DLC1: variants seen among roughly 807,000 people sequenced by gnomAD.
The protein encoded by DLC1 is rho GTPase-activating protein 7.
Under a neutral mutation model 140.3 loss-of-function variants are expected in DLC1, and 54 were observed. The ratio of observed to expected loss-of-function variants is 0.38; its 90% CI spans 0.31 to 0.48. The LOEUF is 0.48. Among genes scored for constraint, DLC1 ranks in the 20% least tolerant of loss-of-function variants. DLC1 has a pLI of 0.96. For synonymous variants in DLC1, 986 were observed against 728.1 expected (o/e 1.35, Z -5.70); for missense variants, 2,536 against 1,907.0 (o/e 1.33, Z -6.14).
intron 1 of DLC1, among the ~76,000 whole-genome samples, chr8:13,503,430 C>T (rs561743553): frequency 7.8e-4 from 119 of 152,096 alleles, no homozygotes; most frequent in Middle Eastern, 3.4e-3. Context: ...TAAATGTTAC[C>T]GTATTTAACA....
At chr8:13,476,966 A>T (rs1800460424) in intron 2 of DLC1, among the ~76,000 whole-genome samples, 1 of 152,122 alleles carries the variant, frequency 6.6e-6, no homozygotes, top group African/African-American at 2.4e-5. Context: ...ATAGCAAGGG[A>T]AGTTGTGCTT....
chr8:13,223,664 G>A (rs1163193172), intron 5 of DLC1, among the ~76,000 whole-genome samples: 1 of 152,108 alleles, frequency 6.6e-6, no homozygotes, highest in Non-Finnish European at 1.5e-5. Flanking sequence ...TTACTTGGTT[G>A]GCTAACACCA....
chr8:13,514,571 C>G (rs1190244898), intron 1 of DLC1, 31 bp downstream of exon 1: 2 of 398,390 alleles, frequency 5.0e-6, no homozygotes, highest in African/African-American at 4.1e-5. Context: ...AAGACCGCCT[C>G]AAAGCATAAA....
intron 4 of DLC1, among the ~76,000 whole-genome samples, chr8:13,335,953 A>G (rs1301955865): frequency 6.6e-6 from 1 of 152,160 alleles, no homozygotes; most frequent in Non-Finnish European, 1.5e-5. Context: ...GTTTTTACAA[A>G]TTATAAAACA....
chr8:13,147,669 A>G (rs1026864736), intron 5 of DLC1, among the ~76,000 whole-genome samples: 1 of 151,822 alleles, frequency 6.6e-6, no homozygotes, highest in East Asian at 1.9e-4. Context: ...ACTTATTATT[A>G]TTATTTTTTT....
chr8:13,573,480 C>G (rs1804735786), intron 1 of DLC1, among the ~76,000 whole-genome samples: 1 of 152,120 alleles, frequency 6.6e-6, no homozygotes, highest in South Asian at 2.1e-4. Context: ...GCTATCACTT[C>G]CAGAGCTATA....
intron 5 of DLC1, among the ~76,000 whole-genome samples, chr8:13,123,134 C>T (rs1227827983): frequency 6.6e-6 from 1 of 152,164 alleles, no homozygotes; most frequent in Non-Finnish European, 1.5e-5. Flanking sequence ...TTCCTAAGGG[C>T]TATTGCAAGG....
intron 2 of DLC1, among the ~76,000 whole-genome samples, chr8:13,415,166 G>C (rs1254706972): frequency 6.6e-6 from 1 of 151,922 alleles, no homozygotes; most frequent in African/African-American, 2.4e-5. Context: ...AATGTGATTT[G>C]ATGTAATTTA....
chr8:13,527,931 A>T (rs1377173062), intron 1 of DLC1, among the ~76,000 whole-genome samples: 1 of 152,144 alleles, frequency 6.6e-6, no homozygotes, highest in African/African-American at 2.4e-5. Flanking sequence ...TTAACGCTAT[A>T]AACCAGTAGG....
chr8:13,431,482 C>CAAAAAAAAAAAAAAAA (rs56057254), intron 2 of DLC1, among the ~76,000 whole-genome samples: 5 of 40,608 alleles, frequency 1.2e-4, no homozygotes, highest in Non-Finnish European at 2.0e-4. Flanking sequence ...GACTCCGTCT[C>CAAAAAAAAAAAAAAAA]AAAAAAAAAA....
chr8:13,164,328 ATCTGTCTGTCTGTCTGTCTGTCTCTCTC>A (rs1824945236), intron 5 of DLC1, among the ~76,000 whole-genome samples: 1 of 147,110 alleles, frequency 6.8e-6, no homozygotes, highest in Non-Finnish European at 1.5e-5. Context: ...CTATCTATCT[ATCTGTCTGTCTGTCTGTCTGTCTCTCTC>A]TCTGTCTGTC....
intron 1 of DLC1, chr8:13,567,439 C>T: frequency 6.4e-7 from 1 of 1,552,060 alleles, no homozygotes; most frequent in South Asian, 1.2e-5. Context: ...ACATAAAAAG[C>T]TGCATCTTGG....
intron 5 of DLC1, among the ~76,000 whole-genome samples, chr8:13,154,695 G>C (rs1585789379): frequency 6.6e-6 from 1 of 152,346 alleles, no homozygotes; most frequent in Non-Finnish European, 1.5e-5. Flanking sequence ...CAGAGTGGAC[G>C]CTGAGGCCTG....
chr8:13,564,867 T>TATGAGTAAGTCCTA (rs1470501722), intron 1 of DLC1, among the ~76,000 whole-genome samples: 4 of 152,124 alleles, frequency 2.6e-5, no homozygotes, highest in Admixed American at 2.6e-4. Flanking sequence ...CAAGAGAGCC[T>TATGAGTAAGTCCTA]GACTGGACTC....
At chr8:13,468,362 C>CCCTCCCCTCCCGTCT (rs1452189899) in intron 2 of DLC1, among the ~76,000 whole-genome samples, 4 of 120,660 alleles carry the variant, frequency 3.3e-5, no homozygotes, top group African/African-American at 8.7e-5. Flanking sequence ...CCCTCCCCTC[C>CCCTCCCCTCCCGTCT]CCTCCCCTCT....
At chr8:13,341,349 G>A (rs1834037638) in intron 4 of DLC1, 1 of 152,158 alleles carries the variant, frequency 6.6e-6, no homozygotes, top group Admixed American at 6.5e-5. Context: ...TTTGGGAACG[G>A]ACATGTGCTA....
chr8:13,603,559 T>C (rs994058543), intron 1 of DLC1, among the ~76,000 whole-genome samples: 1 of 152,020 alleles, frequency 6.6e-6, no homozygotes, highest in Non-Finnish European at 1.5e-5. Flanking sequence ...AAAAGGTGCA[T>C]GTTAAATTTT....
intron 5 of DLC1, among the ~76,000 whole-genome samples, chr8:13,135,356 T>A (rs1404779195): frequency 2.0e-5 from 3 of 152,090 alleles, no homozygotes; most frequent in African/African-American, 4.8e-5. Context: ...AATTTTTTTG[T>A]ATTTTTAGTA....
At chr8:13,289,033 C>T (rs1389639475) in intron 5 of DLC1, among the ~76,000 whole-genome samples, 1 of 152,050 alleles carries the variant, frequency 6.6e-6, no homozygotes, top group Admixed American at 6.6e-5. Flanking sequence ...TGTGTGACAC[C>T]ATTCTCCACT....
Sources: allele counts gnomAD v4.1 joint callset (sites outside exome capture counted in the v4.1 genomes callset), GRCh38; gene constraint gnomAD v4.1.1; transcripts MANE v1.5; gene names NCBI Gene and HGNC (gene_info 2026-07-23, HGNC 2026-07-21).